The following ZNF423 variants were observed in gnomAD, a reference collection of about 807,000 sequenced individuals.
The protein encoded by ZNF423 is zinc finger protein 423.
Under a neutral mutation model 95.8 loss-of-function variants are expected in ZNF423, and 12 were observed. The ratio of observed to expected loss-of-function variants is 0.13; its 90% CI spans 0.08 to 0.20. ZNF423 has a LOEUF of 0.20. ZNF423 is among the 10% of genes least tolerant of loss of function. The pLI is 1.00. For missense variants in ZNF423, 1,316 were observed against 1,737.1 expected (o/e 0.76, Z 4.31); for synonymous variants, 749 against 711.9 (o/e 1.05, Z -0.83).
intron 3 of ZNF423, among the ~76,000 whole-genome samples, chr16:49,709,169 T>TTTATATATATATATATAA (rs1555475499): frequency 2.1e-5 from 2 of 94,580 alleles, no homozygotes; most frequent in African/African-American, 8.6e-5. Context: ...AGCAGCCGTT[T>TTTATATATATATATATAA]ATATATATAT....
chr16:49,501,668 A>G (rs2151661363), intron 7 of ZNF423, among the ~76,000 whole-genome samples: 1 of 152,270 alleles, frequency 6.6e-6, no homozygotes, highest in South Asian at 2.1e-4. Context: ...AATGTGGTAC[A>G]TATATATATC....
At chr16:49,718,161 C>T (rs1214927074) in intron 3 of ZNF423, among the ~76,000 whole-genome samples, 1 of 152,192 alleles carries the variant, frequency 6.6e-6, no homozygotes, top group Non-Finnish European at 1.5e-5. Context: ...TGGCTCACAC[C>T]TGTAATCTCA....
chr16:49,842,720 A>G (rs2035203781), intron 1 of ZNF423, among the ~76,000 whole-genome samples: 1 of 152,234 alleles, frequency 6.6e-6, no homozygotes, highest in Non-Finnish European at 1.5e-5. Flanking sequence ...TCACGCCTGT[A>G]ATTCCAGCAC....
intron 5 of ZNF423, among the ~76,000 whole-genome samples, chr16:49,565,169 T>C (rs1970149197): frequency 6.6e-6 from 1 of 152,136 alleles, no homozygotes; most frequent in South Asian, 2.1e-4. Context: ...AGCTGAAAAT[T>C]GTCTGCATAC....
intron 7 of ZNF423, among the ~76,000 whole-genome samples, chr16:49,494,288 A>G (rs729805): frequency 0.26 from 39,835 of 152,186 alleles, 5,312 homozygotes; most frequent in South Asian, 0.32. Flanking sequence ...GGGTTCTGAG[A>G]CAGAAGGATA....
chr16:49,681,618 G>A (rs2031359979), intron 3 of ZNF423, among the ~76,000 whole-genome samples: 1 of 152,180 alleles, frequency 6.6e-6, no homozygotes, highest in Admixed American at 6.5e-5. Flanking sequence ...GACTTCAAAG[G>A]GATGGCTCCC....
At chr16:49,764,925 T>C (rs1166520914) in intron 2 of ZNF423, among the ~76,000 whole-genome samples, 2 of 150,620 alleles carry the variant, frequency 1.3e-5, no homozygotes, top group African/African-American at 4.9e-5. Flanking sequence ...TTTTTTTTTT[T>C]TTTTTGTATT....
intron 5 of ZNF423, among the ~76,000 whole-genome samples, chr16:49,612,504 TTAGA>T (rs970817322): frequency 9.3e-5 from 14 of 151,350 alleles, no homozygotes; most frequent in African/African-American, 1.7e-4. Flanking sequence ...CAAAAAATGC[TTAGA>T]TAGAAGGAGA....
At chr16:49,593,214 C>A (rs774886283) in intron 5 of ZNF423, among the ~76,000 whole-genome samples, 1 of 152,124 alleles carries the variant, frequency 6.6e-6, no homozygotes, top group Non-Finnish European at 1.5e-5. Context: ...GGGAGGATCA[C>A]AAGAAGCCAA....
At chr16:49,718,697 G>A (rs1433560728) in intron 3 of ZNF423, among the ~76,000 whole-genome samples, 1 of 152,108 alleles carries the variant, frequency 6.6e-6, no homozygotes, top group Non-Finnish European at 1.5e-5. Context: ...TCTGTGTCTG[G>A]TGAGGGCGCA....
intron 3 of ZNF423, among the ~76,000 whole-genome samples, chr16:49,646,822 T>G (rs992166359): frequency 6.6e-6 from 1 of 152,192 alleles, no homozygotes; most frequent in African/African-American, 2.4e-5. Context: ...TCCACCTGCC[T>G]TGGCCTCCCA....
chr16:49,662,254 G>A (rs2030275627), intron 3 of ZNF423, among the ~76,000 whole-genome samples: 1 of 152,136 alleles, frequency 6.6e-6, no homozygotes, highest in Non-Finnish European at 1.5e-5. Flanking sequence ...CTACAAAGAG[G>A]TTTGGTCCCT....
In ZNF423 at chr16:49,735,996, C is replaced by T. The variant is rs992060966; in HGVS notation, c.101-5025G>A. On this transcript the variant is annotated intron_variant, in intron 2 of 7. Coordinates refer to ENST00000563137, the MANE Select transcript of ZNF423 (RefSeq NM_001379286.1). Reference sequence around the variant, plus strand: ...CAATGGATAGCCGACCTTCTCGCCCCACACCGGACTATAAGCTCCATGAGG... The same window carrying T: ...CAATGGATAGCCGACCTTCTCGCCCTACACCGGACTATAAGCTCCATGAGG... Among the ~76,000 whole-genome samples the T allele has an allele frequency of 1.5e-4, 23 of 152,248 alleles. No homozygotes were observed. The Middle Eastern group carries it at 0.01, about 68-fold the overall frequency.
chr16:49,789,398 A>T (rs901865688), intron 2 of ZNF423, 89 bp downstream of exon 2: 19 of 1,332,978 alleles, frequency 1.4e-5, no homozygotes, highest in Non-Finnish European at 1.8e-5. Context: ...GAAGAATATC[A>T]TTTCCATAAC....
intron 1 of ZNF423, among the ~76,000 whole-genome samples, chr16:49,845,732 G>C (rs898339543): frequency 1.3e-5 from 2 of 150,142 alleles, no homozygotes; most frequent in African/African-American, 4.9e-5. Context: ...TTTGTAGAGA[G>C]GTGGTTTCGC....
At position 49,510,754 on chromosome 16, in the gene ZNF423, C is replaced by T. The variant is rs548330464; in HGVS notation, c.3849+12870G>A. On this transcript the variant is annotated intron_variant, in intron 7 of 7. Transcript: ENST00000563137. ...GTGCAAACCTCTGTGGATGTGGAGC[C>T]GGTGAGGCGCCGCCACTCGCAGTGT... 7.9e-5 allele frequency among the ~76,000 whole-genome samples: 12 copies of T among 152,262 alleles called. No homozygotes were observed. The East Asian group carries it at 2.1e-3, about 27-fold the overall frequency.
At chr16:49,826,093 T>C (rs895452943) in intron 1 of ZNF423, among the ~76,000 whole-genome samples, 20 of 152,168 alleles carry the variant, frequency 1.3e-4, no homozygotes, top group Admixed American at 1.2e-3. Flanking sequence ...GCACCTGTAG[T>C]CCCAGCTCCT....
chr16:49,778,604 G>A (rs1378863102), intron 2 of ZNF423, among the ~76,000 whole-genome samples: 2 of 151,940 alleles, frequency 1.3e-5, no homozygotes, highest in East Asian at 1.9e-4. Context: ...AACAAGAATG[G>A]TTCCCTACAG....
intron 5 of ZNF423, among the ~76,000 whole-genome samples, chr16:49,528,517 AAG>A (rs764925814): frequency 5.9e-5 from 9 of 152,142 alleles, no homozygotes; most frequent in Non-Finnish European, 1.3e-4. Context: ...CAAGTGTTTT[AAG>A]AGAGTCAAAC....
Sources: gnomAD v4.1 joint callset for allele counts (sites outside exome capture counted in the v4.1 genomes callset) on GRCh38, gnomAD v4.1.1 for gene constraint, MANE v1.5 for transcripts, NCBI Gene and HGNC (gene_info 2026-07-23, HGNC 2026-07-21) for gene names.